Variants in VASH2 observed in about 807,000 individuals in gnomAD.
VASH2 encodes tubulinyl-Tyr carboxypeptidase 2.
VASH2 carries 28 observed loss-of-function variants against 37.2 expected under a neutral mutation model. The observed-to-expected ratio is 0.75, with a 90% confidence interval of 0.56 to 1.03. The LOEUF is 1.03. VASH2 is among the 50% of genes least tolerant of loss of function. The pLI, the probability that VASH2 is intolerant of heterozygous loss-of-function variation, is 0.00. For synonymous variants in VASH2, 188 were observed against 174.7 expected (o/e 1.08, Z -0.60); for missense variants, 419 against 459.1 (o/e 0.91, Z 0.80).
intron 7 of VASH2, among the ~76,000 whole-genome samples, chr1:212,988,085 T>C (rs1386839373): frequency 1.3e-5 from 2 of 152,216 alleles, no homozygotes; most frequent in Admixed American, 6.5e-5. Flanking sequence ...TGAGTCACCT[T>C]TGATTCCTGG....
intron 5 of VASH2, chr1:212,969,020 A>T: frequency 1.0e-6 from 1 of 985,390 alleles, no homozygotes; most frequent in Non-Finnish European, 1.2e-6. Flanking sequence ...AGACCCAGGA[A>T]CAGCCTTTGA....
intron 2 of VASH2, among the ~76,000 whole-genome samples, chr1:212,955,287 A>G (rs1666453059): frequency 6.6e-6 from 1 of 152,204 alleles, no homozygotes; most frequent in Non-Finnish European, 1.5e-5. Context: ...ACTACAGGAC[A>G]TTCCCTTAGC....
chr1:212,954,068 A>C (rs1156610528), intron 2 of VASH2, among the ~76,000 whole-genome samples: 1 of 151,772 alleles, frequency 6.6e-6, no homozygotes, highest in Non-Finnish European at 1.5e-5. Flanking sequence ...GTACCACCCA[A>C]CCTGGCTAAC....
chr1:212,965,439 G>C (rs1666811812), intron 3 of VASH2, among the ~76,000 whole-genome samples: 1 of 152,172 alleles, frequency 6.6e-6, no homozygotes, highest in Non-Finnish European at 1.5e-5. Context: ...TTGTAGTCTA[G>C]TAGGTGAATT....
chr1:212,976,717 G>A (rs369483175), intron 7 of VASH2, among the ~76,000 whole-genome samples: 4 of 151,922 alleles, frequency 2.6e-5, no homozygotes, highest in East Asian at 1.9e-4. Flanking sequence ...TCAGAGTGCC[G>A]CAGCCGTGAG....
chr1:212,974,477 C>G (rs533445511), intron 7 of VASH2: 2 of 155,632 alleles, frequency 1.3e-5, no homozygotes, highest in South Asian at 4.0e-4. Flanking sequence ...ATGAACTTCC[C>G]TAAAATTCTG....
At chr1:212,987,124 G>A (rs1318789057) in intron 7 of VASH2, among the ~76,000 whole-genome samples, 1 of 152,170 alleles carries the variant, frequency 6.6e-6, no homozygotes, top group Non-Finnish European at 1.5e-5. Flanking sequence ...CTAGAAGCTA[G>A]CTGTTGATTT....
In VASH2 at chr1:212,965,773, G is replaced by T. The variant is rs926673328; in HGVS notation, c.417G>T (p.Leu139=). ...TTGAAATTAGGAAAATGAGACCGCT[G>T]AGTGGGTAAGTGGTGCATGATCTAT... ...QFFEIRKMRP[L]SGLMETAKEM... The change falls in exon 4 of 8, where the codon CTG becomes CTT. Residue 139 remains leucine, a synonymous_variant. Coordinates refer to ENST00000517399, the MANE Select transcript of VASH2 (RefSeq NM_001301056.2). 1 of 1,552,114 alleles carries T rather than the reference G, an allele frequency of 6.4e-7. No individual in the cohort carries two copies. The highest frequency in any genetic ancestry group is 2.4e-5 in the East Asian group (1 of 40,928).
At chr1:212,975,209 G>T (rs1667133135) in intron 7 of VASH2, among the ~76,000 whole-genome samples, 1 of 152,166 alleles carries the variant, frequency 6.6e-6, no homozygotes, top group African/African-American at 2.4e-5. Flanking sequence ...AGTCGGGGAA[G>T]GTTCTGTTTT....
chr1:212,973,293 G>T, intron 6 of VASH2: 1 of 1,035,510 alleles, frequency 9.7e-7, no homozygotes, highest in Non-Finnish European at 1.3e-6. Flanking sequence ...CCCAGGACAT[G>T]AGATTTTCAG....
chr1:212,958,908 T>A (rs1300044628), intron 2 of VASH2, among the ~76,000 whole-genome samples: 2 of 152,016 alleles, frequency 1.3e-5, no homozygotes. Flanking sequence ...TTTCTTTTTT[T>A]TTTAGTGATG....
chr1:212,963,400 T>G (rs1666737719), intron 3 of VASH2, among the ~76,000 whole-genome samples: 1 of 152,176 alleles, frequency 6.6e-6, no homozygotes, highest in Non-Finnish European at 1.5e-5. Context: ...GACTTTTATT[T>G]AGTTCCTTGG....
chr1:212,955,866 C>T (rs750394715), intron 2 of VASH2, among the ~76,000 whole-genome samples: 2 of 152,190 alleles, frequency 1.3e-5, no homozygotes, highest in Non-Finnish European at 2.9e-5. Flanking sequence ...GAGAACCTTC[C>T]GTCTGTCTGT....
At chr1:212,955,200 G>A (rs1666448586) in intron 2 of VASH2, among the ~76,000 whole-genome samples, 1 of 152,210 alleles carries the variant, frequency 6.6e-6, no homozygotes, top group Admixed American at 6.5e-5. Context: ...GCCATTGAAT[G>A]TAGACTAAGA....
chr1:212,972,077 G>T (rs1277858751), intron 5 of VASH2, among the ~76,000 whole-genome samples: 2 of 152,168 alleles, frequency 1.3e-5, no homozygotes, highest in African/African-American at 4.8e-5. Flanking sequence ...ATACTCCCCT[G>T]CCTGCATTCA....
rs75611550 is a variant in VASH2, at chr1:212,989,756, G to A, written c.*1172G>A. 849 of 151,854 alleles carry A rather than the reference G, an allele frequency of 5.6e-3. 9 individuals are homozygous for A. The highest frequency in any genetic ancestry group is 0.02 in the African/African-American group (807 of 41,364). 9.4% of individuals were successfully genotyped at this position (151,854 alleles called of 1,614,324 possible). ...CTTTTTTTTTAATGGAAAAGTCTTC[G>A]GTCCAGTGTTACACCTTATAGTGTA... is the stretch of plus-strand genomic sequence containing the variant. On this transcript the variant is annotated 3_prime_UTR_variant, in exon 8 of 8. Coordinates refer to ENST00000517399, the MANE Select transcript of VASH2 (RefSeq NM_001301056.2).
At chr1:212,975,036 A>C (rs1206632998) in intron 7 of VASH2, 1 of 152,298 alleles carries the variant, frequency 6.6e-6, no homozygotes, top group Non-Finnish European at 1.5e-5. Context: ...TCGTCATTAC[A>C]TCAATCCTGT....
At position 212,951,512 on chromosome 1, in the gene VASH2, C is replaced by T. The variant is rs1666303801; in HGVS notation, c.-31C>T. The T allele has an allele frequency of 1.6e-6, 2 of 1,270,880 alleles. No homozygotes were observed. Among genetic ancestry groups the T allele is most frequent in the Non-Finnish European group, 2.0e-6 (2 of 1,007,044 alleles). 78.7% of individuals were successfully genotyped at this position (1,270,880 alleles called of 1,614,324 possible). On this transcript the variant is annotated 5_prime_UTR_variant, in exon 2 of 8. Coordinates refer to ENST00000517399, the MANE Select transcript of VASH2 (RefSeq NM_001301056.2). This position sits in a 1 kb window ranked among gnomAD's most constrained non-coding sequence, Gnocchi z 4.4. Reference sequence around the variant, plus strand: ...CCGCCGCTGCCGCCGCCGCGCGCCCCCAGTACCTCGCTCCCCGCCCAGGCC... The same window carrying T: ...CCGCCGCTGCCGCCGCCGCGCGCCCTCAGTACCTCGCTCCCCGCCCAGGCC...
intron 2 of VASH2, among the ~76,000 whole-genome samples, chr1:212,956,046 A>T (rs1168316452): frequency 2.0e-5 from 3 of 152,298 alleles, no homozygotes; most frequent in East Asian, 1.9e-4. Context: ...TAGGGATGAC[A>T]AAAGGTTTTG....
Sources: gnomAD v4.1 joint callset for allele counts (sites outside exome capture counted in the v4.1 genomes callset) on GRCh38, gnomAD v4.1.1 for gene constraint, Gnocchi (gnomAD v3.1) non-coding constraint, MANE v1.5 for transcripts, NCBI Gene and HGNC (gene_info 2026-07-23, HGNC 2026-07-21) for gene names.